NALCN: variants seen among roughly 807,000 people sequenced by gnomAD.
NALCN encodes sodium leak channel NALCN.
A neutral mutation model predicts 225.3 loss-of-function variants in NALCN; 111 were observed. The ratio of observed to expected loss-of-function variants is 0.49; its 90% CI spans 0.42 to 0.58. The LOEUF (loss-of-function observed/expected upper bound fraction) is 0.58. Among genes scored for constraint, NALCN ranks in the 20% least tolerant of loss-of-function variants. The pLI is 0.00. For synonymous variants in NALCN, 764 were observed against 769.0 expected, an observed-to-expected ratio of 0.99 and a Z score of 0.11; for missense variants, 1,378 against 2,202.4, an observed-to-expected ratio of 0.63 and a Z score of 7.49.
chr13:101,327,278 G>T (rs1323933074), intron 7 of NALCN, among the ~76,000 whole-genome samples: 2 of 151,958 alleles, frequency 1.3e-5, no homozygotes, highest in Non-Finnish European at 2.9e-5. Flanking sequence ...ATAGTTTATT[G>T]TATTTAAATA....
At chr13:101,134,362 G>T (rs910543871) in intron 17 of NALCN, among the ~76,000 whole-genome samples, 12 of 152,144 alleles carry the variant, frequency 7.9e-5, no homozygotes, top group Admixed American at 5.2e-4. Context: ...AGCACAAGTT[G>T]ATCCCTGCCC....
chr13:101,057,060 A>G (rs1410140582), intron 43 of NALCN: 2 of 152,216 alleles, frequency 1.3e-5, no homozygotes, highest in Non-Finnish European at 2.9e-5. Flanking sequence ...GTCAGCCTCA[A>G]AATGTAAGCT....
intron 12 of NALCN, among the ~76,000 whole-genome samples, chr13:101,232,024 G>A (rs528382222): frequency 1.4e-5 from 2 of 147,890 alleles, no homozygotes; most frequent in Non-Finnish European, 3.0e-5. Flanking sequence ...AATCCCCAAC[G>A]GGTACTGCTG....
At chr13:101,073,883 C>G (rs1156793153) in intron 36 of NALCN, among the ~76,000 whole-genome samples, 1 of 152,072 alleles carries the variant, frequency 6.6e-6, no homozygotes, top group Non-Finnish European at 1.5e-5. Flanking sequence ...CTAGCATGGC[C>G]ACTAATTTAT....
Position 101,107,807 on chromosome 13 carries a change from G to C in NALCN, c.2365-18C>G. 6.2e-7 allele frequency: 1 copy of C among 1,600,536 alleles called. No individual in the cohort carries two copies. Among genetic ancestry groups the C allele is most frequent in the East Asian group, 2.2e-5 (1 of 44,718 alleles). ...TTGGAATGCTAGAAATAAATTAACAGGGGGTGTGTTAAAACAGGAGGGTTT... is the reference window on the plus strand; with the variant it reads ...TTGGAATGCTAGAAATAAATTAACACGGGGTGTGTTAAAACAGGAGGGTTT... On this transcript the variant is annotated intron_variant, in intron 20 of 43. Transcript: ENST00000251127.
At chr13:101,173,534 G>A (rs1013200091) in intron 15 of NALCN, among the ~76,000 whole-genome samples, 6 of 151,998 alleles carry the variant, frequency 3.9e-5, no homozygotes, top group East Asian at 1.9e-4. Context: ...TGAATGGGTC[G>A]TTTTGAAAAA....
intron 18 of NALCN, among the ~76,000 whole-genome samples, chr13:101,121,953 CCTTTTT>C (rs2035997528): frequency 1.0e-5 from 1 of 97,810 alleles, no homozygotes; most frequent in African/African-American, 5.0e-5. Flanking sequence ...CAAATGTTTT[CCTTTTT>C]TTTTTTTTTA....
intron 10 of NALCN, among the ~76,000 whole-genome samples, chr13:101,271,639 C>A (rs185048619): frequency 3.3e-5 from 5 of 151,356 alleles, no homozygotes. Flanking sequence ...GAGGTATGTG[C>A]GTGTGTATGT....
intron 36 of NALCN, 68 bp downstream of exon 36, chr13:101,074,442 ATTTG>A (rs1290060871): frequency 3.6e-6 from 5 of 1,372,582 alleles, no homozygotes; most frequent in Admixed American, 2.7e-5. Flanking sequence ...GACAAAAAAC[ATTTG>A]TTTATTTAAA....
chr13:101,320,767 C>A (rs7321884), intron 7 of NALCN, among the ~76,000 whole-genome samples: 2 of 151,982 alleles, frequency 1.3e-5, no homozygotes, highest in East Asian at 3.9e-4. Flanking sequence ...ACAATGAACT[C>A]GCCTATTATT....
At chr13:101,081,052 T>C (rs2033621470) in intron 34 of NALCN, among the ~76,000 whole-genome samples, 1 of 151,994 alleles carries the variant, frequency 6.6e-6, no homozygotes, top group African/African-American at 2.4e-5. Context: ...TTATAGAAAA[T>C]GAAACAGTGG....
intron 3 of NALCN, among the ~76,000 whole-genome samples, chr13:101,381,644 TC>T (rs1008832706): frequency 2.6e-5 from 4 of 152,110 alleles, no homozygotes; most frequent in African/African-American, 7.2e-5. Context: ...CTCATAAGCA[TC>T]CCTTTAACCT....
intron 3 of NALCN, among the ~76,000 whole-genome samples, chr13:101,387,254 A>AC (rs61442861): frequency 2.2e-4 from 31 of 143,786 alleles, no homozygotes; most frequent in Non-Finnish European, 4.0e-4. Flanking sequence ...AAAAAAAAAA[A>AC]CAGGTTAGCA....
intron 17 of NALCN, among the ~76,000 whole-genome samples, chr13:101,133,555 A>C (rs2036617871): frequency 6.6e-6 from 1 of 152,224 alleles, no homozygotes; most frequent in South Asian, 2.1e-4. Context: ...GCAATTACTT[A>C]AAATTGCATG....
chr13:101,131,972 T>G (rs2036541695), intron 17 of NALCN, among the ~76,000 whole-genome samples: 1 of 152,122 alleles, frequency 6.6e-6, no homozygotes, highest in Non-Finnish European at 1.5e-5. Context: ...TATGTTGATA[T>G]TATTTATCAC....
intron 6 of NALCN, among the ~76,000 whole-genome samples, chr13:101,362,120 TATATA>T (rs902469609): frequency 2.0e-5 from 3 of 151,990 alleles, no homozygotes; most frequent in Non-Finnish European, 4.4e-5. Context: ...GTACTAAAAA[TATATA>T]ATATATCACT....
At chr13:101,327,610 T>C (rs2045007557) in intron 7 of NALCN, among the ~76,000 whole-genome samples, 2 of 152,314 alleles carry the variant, frequency 1.3e-5, no homozygotes, top group South Asian at 4.1e-4. Context: ...AGGAGGTGAC[T>C]TTCAGGGATA....
At position 101,157,829 on chromosome 13, in the gene NALCN, T is replaced by C. The variant is rs527631194; in HGVS notation, c.1840-12933A>G. 6.0e-4 allele frequency among the ~76,000 whole-genome samples: 89 copies of C among 149,310 alleles called. 1 individual carries two copies. Among genetic ancestry groups the C allele is most frequent in the Non-Finnish European group, 5.3e-4 (36 of 67,458 alleles). ...GTGCAATGGCGTGATCTCAGCTCACTACGACCTCTGCCTCCTGGGTTCAAG... is the reference window on the plus strand; with the variant it reads ...GTGCAATGGCGTGATCTCAGCTCACCACGACCTCTGCCTCCTGGGTTCAAG... On this transcript the variant is annotated intron_variant, in intron 15 of 43. Transcript: ENST00000251127.
intron 7 of NALCN, among the ~76,000 whole-genome samples, chr13:101,317,853 T>C (rs1203346422): frequency 3.3e-5 from 5 of 152,214 alleles, no homozygotes; most frequent in African/African-American, 1.2e-4. Flanking sequence ...ATTTATTCTT[T>C]ATATATGCAT....
Sources: allele counts gnomAD v4.1 joint callset (sites outside exome capture counted in the v4.1 genomes callset), GRCh38; gene constraint gnomAD v4.1.1; transcripts MANE v1.5; gene names NCBI Gene and HGNC (gene_info 2026-07-23, HGNC 2026-07-21).